ZNF521: variants seen among roughly 807,000 people sequenced by gnomAD.
ZNF521 encodes the protein zinc finger protein 521.
ZNF521 carries 14 observed loss-of-function variants against 105.5 expected under a neutral mutation model. The ratio of observed to expected loss-of-function variants is 0.13; its 90% CI spans 0.09 to 0.21. ZNF521 has a LOEUF of 0.21. Among genes scored for constraint, ZNF521 ranks in the 10% least tolerant of loss-of-function variants. The pLI is 1.00. For synonymous variants in ZNF521, 635 were observed against 606.0 expected (o/e 1.05, Z -0.70); for missense variants, 1,233 against 1,629.7 (o/e 0.76, Z 4.19).
chr18:25,206,643 T>A (rs2036085830), intron 4 of ZNF521, among the ~76,000 whole-genome samples: 1 of 152,176 alleles, frequency 6.6e-6, no homozygotes, highest in South Asian at 2.1e-4. Context: ...CTGAGATATT[T>A]TAATGCATGT....
At position 25,221,493 on chromosome 18, in the gene ZNF521, TG is replaced by T. The variant is rs1905723965; in HGVS notation, c.3573+2851del. ...GTCATGGTCCAGAAAAATCTAACCT[TG>T]TTCTTGACCATACCTATGTATCCAG... On this transcript the variant is annotated intron_variant, in intron 4 of 7. Coordinates refer to ENST00000361524, the MANE Select transcript of ZNF521 (RefSeq NM_015461.3). 4.6e-5 allele frequency among the ~76,000 whole-genome samples: 7 copies of T among 152,346 alleles called. No individual in the cohort carries two copies. In the South Asian group the frequency reaches 1.4e-3, roughly 32 times the overall value.
At chr18:25,154,250 A>G (rs934953522) in intron 5 of ZNF521, among the ~76,000 whole-genome samples, 1 of 152,260 alleles carries the variant, frequency 6.6e-6, no homozygotes, top group Non-Finnish European at 1.5e-5. Context: ...TTATTAAATT[A>G]GAAACATGCT....
rs62082276 is a variant in ZNF521 at position 25,348,327 on chromosome 18, G to A, written c.40+2580C>T. On this transcript the variant is annotated intron_variant, in intron 2 of 7. Coordinates refer to ENST00000361524, the MANE Select transcript of ZNF521 (RefSeq NM_015461.3). Reference sequence around the variant, plus strand: ...TGGAGACCCTTCCAAGAAGACATAGGGAAATCAAAATACTGAAGAGAAGGC... The same window carrying A: ...TGGAGACCCTTCCAAGAAGACATAGAGAAATCAAAATACTGAAGAGAAGGC... Among the ~76,000 whole-genome samples the A allele has an allele frequency of 3.8e-3, 576 of 152,068 alleles. 4 individuals are homozygous for A. Among genetic ancestry groups the A allele is most frequent in the Non-Finnish European group, 7.1e-3 (484 of 67,998 alleles).
intron 3 of ZNF521, among the ~76,000 whole-genome samples, chr18:25,292,216 T>A (rs1259838212): frequency 1.3e-5 from 2 of 152,202 alleles, no homozygotes; most frequent in Non-Finnish European, 2.9e-5. Context: ...TTTTGCTGTA[T>A]CCCATATCAA....
At chr18:25,124,773 A>G (rs1567972758) in intron 5 of ZNF521, among the ~76,000 whole-genome samples, 1 of 152,224 alleles carries the variant, frequency 6.6e-6, no homozygotes, top group Admixed American at 6.5e-5. Flanking sequence ...CAAACAAATT[A>G]ACATCTATGT....
chr18:25,100,484 A>G (rs1203851842), intron 5 of ZNF521, among the ~76,000 whole-genome samples: 1 of 151,904 alleles, frequency 6.6e-6, no homozygotes, highest in African/African-American at 2.4e-5. Context: ...CATATCTGCA[A>G]TGGCACATGG....
chr18:25,191,260 A>G (rs556312533), intron 5 of ZNF521, among the ~76,000 whole-genome samples: 8 of 152,150 alleles, frequency 5.3e-5, no homozygotes, highest in Non-Finnish European at 1.2e-4. Flanking sequence ...GCTTGTACCT[A>G]TTCCATTCAT....
At chr18:25,105,970 G>C (rs903271838) in intron 5 of ZNF521, among the ~76,000 whole-genome samples, 1 of 151,972 alleles carries the variant, frequency 6.6e-6, no homozygotes, top group Middle Eastern at 3.2e-3. Context: ...GTTTATTTTA[G>C]GGCCCTTTTA....
intron 3 of ZNF521, among the ~76,000 whole-genome samples, chr18:25,294,006 C>A (rs1911180486): frequency 1.3e-5 from 2 of 152,104 alleles, no homozygotes; most frequent in African/African-American, 4.8e-5. Flanking sequence ...CAAGCAGTAA[C>A]CTACAATCTT....
At chr18:25,350,791 G>T in intron 2 of ZNF521, 116 bp downstream of exon 2, 1 of 1,164,060 alleles carries the variant, frequency 8.6e-7, no homozygotes, top group Non-Finnish European at 1.2e-6. Flanking sequence ...GCGCGCCCCC[G>T]CACTCACACT....
At position 25,217,913 on chromosome 18, in the gene ZNF521, A is replaced by G. The variant is rs181867360; in HGVS notation, c.3573+6432T>C. Among the ~76,000 whole-genome samples, 7 of 152,340 alleles carry G rather than the reference A, an allele frequency of 4.6e-5. No individual in the cohort carries two copies. In the East Asian group the frequency reaches 1.4e-3, roughly 29 times the overall value. On this transcript the variant is annotated intron_variant, in intron 4 of 7. Coordinates refer to ENST00000361524, the MANE Select transcript of ZNF521 (RefSeq NM_015461.3). ...CTTCTAGAATAGTTGATCTCCAAAG[A>G]AAGGATAAGCTGGACAGCCTTCTGG...
At chr18:25,347,735 G>C (rs559032792) in intron 2 of ZNF521, among the ~76,000 whole-genome samples, 1 of 152,328 alleles carries the variant, frequency 6.6e-6, no homozygotes, top group African/African-American at 2.4e-5. Context: ...CTGGTAATCT[G>C]TATTTTTAAG....
intron 5 of ZNF521, among the ~76,000 whole-genome samples, chr18:25,133,534 A>C (rs1186070250): frequency 6.6e-6 from 1 of 152,220 alleles, no homozygotes; most frequent in Non-Finnish European, 1.5e-5. Flanking sequence ...GATTATAGAC[A>C]TATAAGCCAC....
chr18:25,111,955 C>T (rs1008242577), intron 5 of ZNF521, among the ~76,000 whole-genome samples: 6 of 152,164 alleles, frequency 3.9e-5, no homozygotes, highest in Admixed American at 2.6e-4. Context: ...TGCCCACAGC[C>T]GCAGATCACT....
chr18:25,135,369 G>A (rs1307364208), intron 5 of ZNF521, among the ~76,000 whole-genome samples: 1 of 151,444 alleles, frequency 6.6e-6, no homozygotes, highest in Non-Finnish European at 1.5e-5. Context: ...AATCCAACCT[G>A]CTTGTTTTCC....
intron 3 of ZNF521, among the ~76,000 whole-genome samples, chr18:25,291,262 A>C (rs1255394376): frequency 2.0e-5 from 3 of 152,202 alleles, no homozygotes; most frequent in Non-Finnish European, 2.9e-5. Flanking sequence ...AAAAACATAC[A>C]AAAATGTAAA....
At chr18:25,228,049 C>A (rs28390177) in intron 3 of ZNF521, among the ~76,000 whole-genome samples, 8,163 of 151,796 alleles carry the variant, frequency 0.054, 268 homozygotes, top group African/African-American at 0.08. Flanking sequence ...TTTTGTATTC[C>A]TTCTAAAATG....
chr18:25,243,036 C>T (rs915002654), intron 3 of ZNF521, among the ~76,000 whole-genome samples: 5 of 152,166 alleles, frequency 3.3e-5, no homozygotes, highest in African/African-American at 1.2e-4. Context: ...CCCTGACTCC[C>T]AACTTCTATT....
intron 3 of ZNF521, among the ~76,000 whole-genome samples, chr18:25,273,232 A>C (rs1909795764): frequency 1.8e-5 from 2 of 111,038 alleles, no homozygotes; most frequent in Non-Finnish European, 4.3e-5. Flanking sequence ...AAAAAAAAAA[A>C]AAAAAAAAAA....
Sources: gnomAD v4.1 joint callset for allele counts (sites outside exome capture counted in the v4.1 genomes callset) on GRCh38, gnomAD v4.1.1 for gene constraint, MANE v1.5 for transcripts, NCBI Gene and HGNC (gene_info 2026-07-23, HGNC 2026-07-21) for gene names.